CAMTA1: variants seen among roughly 807,000 people sequenced by gnomAD.
CAMTA1 encodes the protein calmodulin-binding transcription activator 1.
In CAMTA1, 27 loss-of-function variants were observed where a neutral mutation model predicts 170.9. That is an observed-to-expected ratio of 0.16 (90% CI 0.12 to 0.22). The LOEUF (loss-of-function observed/expected upper bound fraction) is 0.22. Among genes scored for constraint, CAMTA1 ranks in the 10% least tolerant of loss-of-function variants. CAMTA1 has a pLI of 1.00. For missense variants in CAMTA1, 1,619 were observed against 2,217.2 expected, an observed-to-expected ratio of 0.73 and a Z score of 5.42; for synonymous variants, 833 against 891.5, an observed-to-expected ratio of 0.93 and a Z score of 1.17.
At chr1:6,824,355 T>C (rs1646869333) in intron 2 of CAMTA1, among the ~76,000 whole-genome samples, 1 of 152,172 alleles carries the variant, frequency 6.6e-6, no homozygotes. Context: ...GGAAATGATC[T>C]CTTCTAGAAA....
chr1:7,185,058 C>T (rs1487007674), intron 4 of CAMTA1, among the ~76,000 whole-genome samples: 1 of 152,094 alleles, frequency 6.6e-6, no homozygotes, highest in East Asian at 1.9e-4. Context: ...TAATGGGAGC[C>T]ATTTTTTCCT....
intron 5 of CAMTA1, among the ~76,000 whole-genome samples, chr1:7,375,856 T>G (rs908759036): frequency 2.0e-5 from 3 of 152,230 alleles, no homozygotes; most frequent in African/African-American, 7.2e-5. Flanking sequence ...AAGTCACCCT[T>G]TGTCAACAGA....
Position 7,325,941 on chromosome 1 carries a change from C to T in CAMTA1, c.438+76315C>T, listed in dbSNP as rs552019870. Among the ~76,000 whole-genome samples the T allele has an allele frequency of 3.0e-4, 46 of 152,300 alleles. No homozygotes were observed. The highest frequency in any genetic ancestry group is 2.7e-3 in the East Asian group (14 of 5,172). On this transcript the variant is annotated intron_variant, in intron 5 of 22. Transcript: ENST00000303635. The surrounding 1 kb of genome is among the most constrained non-coding windows in gnomAD (Gnocchi z 5.0). ...TGGTGTAATCTTGGCTCATTGCAAC[C>T]GCTGCCTCCCAGGTTCAAGTGATTC...
At chr1:7,256,374 A>G (rs994060977) in intron 5 of CAMTA1, among the ~76,000 whole-genome samples, 3 of 152,136 alleles carry the variant, frequency 2.0e-5, no homozygotes, top group Non-Finnish European at 4.4e-5. Context: ...CCTGGCTAAC[A>G]TGGTGAAACC....
chr1:7,119,164 C>G (rs924410614), intron 4 of CAMTA1, among the ~76,000 whole-genome samples: 1 of 152,190 alleles, frequency 6.6e-6, no homozygotes, highest in Non-Finnish European at 1.5e-5. Context: ...TCTGTGTTCT[C>G]TGAAGACTTG....
At chr1:7,191,381 C>G (rs1039032903) in intron 4 of CAMTA1, among the ~76,000 whole-genome samples, 1 of 152,324 alleles carries the variant, frequency 6.6e-6, no homozygotes, top group Non-Finnish European at 1.5e-5. Flanking sequence ...TCCTAGAAGG[C>G]TGAGTGGCGG....
chr1:7,595,980 C>T (rs949684999), intron 6 of CAMTA1, among the ~76,000 whole-genome samples: 6 of 152,244 alleles, frequency 3.9e-5, no homozygotes, highest in African/African-American at 1.2e-4. Context: ...CAGCCTCAGC[C>T]TCTGCCTCCT....
intron 11 of CAMTA1, among the ~76,000 whole-genome samples, chr1:7,700,438 G>A (rs2096427063): frequency 6.6e-6 from 1 of 152,180 alleles, no homozygotes; most frequent in South Asian, 2.1e-4. Flanking sequence ...TTCTTTTACT[G>A]GAAGTTGATA....
chr1:6,960,664 A>T (rs1690240272), intron 3 of CAMTA1, among the ~76,000 whole-genome samples: 1 of 152,204 alleles, frequency 6.6e-6, no homozygotes, highest in Non-Finnish European at 1.5e-5. Context: ...ATGTGTTTAC[A>T]AGTCTGTCTC....
intron 6 of CAMTA1, among the ~76,000 whole-genome samples, chr1:7,617,596 T>G (rs1322622751): frequency 6.6e-6 from 1 of 152,048 alleles, no homozygotes; most frequent in Non-Finnish European, 1.5e-5. Context: ...CCCCTTTCCC[T>G]GCTAAGCAGA....
intron 3 of CAMTA1, among the ~76,000 whole-genome samples, chr1:6,995,271 C>T (rs192881435): frequency 7.3e-6 from 1 of 137,438 alleles, no homozygotes; most frequent in East Asian, 2.1e-4. Flanking sequence ...TACTTTAGAT[C>T]CTTTAAAATC....
intron 4 of CAMTA1, among the ~76,000 whole-genome samples, chr1:7,196,508 G>A (rs988708612): frequency 2.0e-5 from 3 of 152,226 alleles, no homozygotes; most frequent in East Asian, 3.8e-4. Context: ...GTGGAGCACA[G>A]CGTGGCTGGA....
chr1:7,436,258 C>T (rs764294763), intron 5 of CAMTA1, among the ~76,000 whole-genome samples: 65 of 152,284 alleles, frequency 4.3e-4, no homozygotes, highest in Non-Finnish European at 7.4e-4. Context: ...AGATGCCCTG[C>T]GTGCCGCAGG....
rs551077288 is a variant in CAMTA1, at chr1:6,975,972, C to T, written c.235-115332C>T. ...ATCTGTTCTTCCCTGCCGCGGCGAGCGTCAGTACTCCCTTCCTTTCCGCTG... is the reference window on the plus strand; with the variant it reads ...ATCTGTTCTTCCCTGCCGCGGCGAGTGTCAGTACTCCCTTCCTTTCCGCTG... On this transcript the variant is annotated intron_variant, in intron 3 of 22. Coordinates refer to ENST00000303635, the MANE Select transcript of CAMTA1 (RefSeq NM_015215.4). Among the ~76,000 whole-genome samples the T allele has an allele frequency of 8.5e-5, 13 of 152,320 alleles. No individual in the cohort carries two copies. The South Asian group carries it at 1.0e-3, about 12-fold the overall frequency.
At chr1:7,418,825 C>T (rs1245811653) in intron 5 of CAMTA1, among the ~76,000 whole-genome samples, 2 of 152,228 alleles carry the variant, frequency 1.3e-5, no homozygotes, top group African/African-American at 4.8e-5. Context: ...ACCTCCACCC[C>T]ACTCAGTGCA....
At chr1:7,668,388 A>AACACACACAAACACAC (rs1553241633) in intron 9 of CAMTA1, among the ~76,000 whole-genome samples, 53 of 101,468 alleles carry the variant, frequency 5.2e-4, no homozygotes, top group African/African-American at 1.9e-3. Context: ...GCTGGTCACC[A>AACACACACAAACACAC]ACACACACAC....
intron 3 of CAMTA1, among the ~76,000 whole-genome samples, chr1:6,983,024 T>C (rs1226682714): frequency 6.6e-6 from 1 of 152,168 alleles, no homozygotes; most frequent in Non-Finnish European, 1.5e-5. Flanking sequence ...GGCTGACCCA[T>C]GTAAACTTAC....
chr1:7,398,179 CTCTCTCTCTCTCTCTATATATATATAT>C (rs1347629681), intron 5 of CAMTA1, among the ~76,000 whole-genome samples: 19 of 43,762 alleles, frequency 4.3e-4, no homozygotes, highest in African/African-American at 1.5e-3. Context: ...CTCTCTCTCT[CTCTCTCTCTCTCTCTATATATATATAT>C]ATATATATAT....
At chr1:7,511,994 G>A (rs1309699180) in intron 6 of CAMTA1, among the ~76,000 whole-genome samples, 4 of 152,334 alleles carry the variant, frequency 2.6e-5, no homozygotes, top group African/African-American at 7.2e-5. Context: ...GGCTTATCTG[G>A]ATAGATGGGT....
Sources: gnomAD v4.1 joint callset for allele counts (sites outside exome capture counted in the v4.1 genomes callset) on GRCh38, gnomAD v4.1.1 for gene constraint, Gnocchi (gnomAD v3.1) non-coding constraint, MANE v1.5 for transcripts, NCBI Gene and HGNC (gene_info 2026-07-23, HGNC 2026-07-21) for gene names.